SFSWAP: variants seen among roughly 807,000 people sequenced by gnomAD.
The protein encoded by SFSWAP is splicing factor SWAP.
Under a neutral mutation model 100.7 loss-of-function variants are expected in SFSWAP, and 17 were observed. That is an observed-to-expected ratio of 0.17 (90% confidence interval 0.12 to 0.25). The LOEUF (loss-of-function observed/expected upper bound fraction) is 0.25, where lower values mean the gene tolerates loss of function less well. Ranked by LOEUF, SFSWAP falls within the 10% of genes least tolerant of loss-of-function variation. SFSWAP has a pLI of 1.00. For synonymous variants in SFSWAP, 504 were observed against 510.1 expected (o/e 0.99, Z 0.16); for missense variants, 1,005 against 1,262.6 (o/e 0.80, Z 3.09).
intron 13 of SFSWAP, among the ~76,000 whole-genome samples, chr12:131,772,006 C>T (rs1883652922): frequency 6.6e-6 from 1 of 152,152 alleles, no homozygotes; most frequent in East Asian, 1.9e-4. Flanking sequence ...TTTGAACTGG[C>T]TTTCCCTTAG....
intron 4 of SFSWAP, among the ~76,000 whole-genome samples, chr12:131,724,401 T>G (rs941691966): frequency 6.6e-6 from 1 of 152,264 alleles, no homozygotes; most frequent in Non-Finnish European, 1.5e-5. Flanking sequence ...ACATGGAATT[T>G]AAATTATTTG....
chr12:131,714,460 G>T lies in SFSWAP; in HGVS notation c.388+220G>T. 2.0e-6 allele frequency: 1 copy of T among 502,742 alleles called. No individual in the cohort carries two copies. 31.1% of individuals were successfully genotyped at this position (502,742 alleles called of 1,614,324 possible). On this transcript the variant is annotated intron_variant, in intron 2 of 17. Transcript: ENST00000261674. The surrounding 1 kb of genome is among the most constrained non-coding windows in gnomAD (Gnocchi z 6.0). ...TTTCCCAGCTTTTGAGGGCAGACTGGGATTTGAAAAAAACAAAAACCAAAC... is the reference window on the plus strand; with the variant it reads ...TTTCCCAGCTTTTGAGGGCAGACTGTGATTTGAAAAAAACAAAAACCAAAC...
chr12:131,775,586 C>G (rs1467185767), intron 13 of SFSWAP, among the ~76,000 whole-genome samples: 5 of 152,140 alleles, frequency 3.3e-5, no homozygotes, highest in Non-Finnish European at 7.3e-5. Flanking sequence ...GAAGCCCTCT[C>G]CCTTTCGGTG....
At chr12:131,792,082 TA>T (rs1486348688) in intron 15 of SFSWAP, among the ~76,000 whole-genome samples, 1 of 151,784 alleles carries the variant, frequency 6.6e-6, no homozygotes, top group East Asian at 1.9e-4. Flanking sequence ...CACGGATCAT[TA>T]CTGTGTGTGC....
chr12:131,785,078 C>CA, intron 14 of SFSWAP: 1 of 1,534,516 alleles, frequency 6.5e-7, no homozygotes, highest in South Asian at 1.2e-5. Flanking sequence ...CACAGAGTCA[C>CA]AGCCTCCCCA....
intron 14 of SFSWAP, among the ~76,000 whole-genome samples, chr12:131,781,358 C>T (rs1448582336): frequency 6.6e-6 from 1 of 151,472 alleles, no homozygotes; most frequent in Admixed American, 6.6e-5. Context: ...CTGTCTCAGC[C>T]TCCCGAGTAG....
chr12:131,714,847 A>C lies in SFSWAP; in HGVS notation c.414A>C (p.Glu138Asp). The change falls in exon 3 of 18, where the codon GAA (glutamate) becomes GAC (aspartate). Residue 138 changes from glutamate to aspartate, a missense_variant. By Grantham distance (45) the Glu-to-Asp change is conservative. Coordinates refer to ENST00000261674, the MANE Select transcript of SFSWAP (RefSeq NM_004592.4). This position sits in a 1 kb window ranked among gnomAD's most constrained non-coding sequence, Gnocchi z 6.0. ...AGGAAGAATACAAGCGATTGAGTGA[A>C]GCACTAGCAGAGGATGGGAGCTACA... The part of the protein sequence containing the change: ...RQEEEYKRLS[E>D]ALAEDGSYNA... 1 of 1,614,116 alleles carries C rather than the reference A, an allele frequency of 6.2e-7. No homozygotes were observed. The highest frequency in any genetic ancestry group is 1.1e-5 in the South Asian group (1 of 91,080).
At chr12:131,761,689 G>A (rs541825690) in intron 11 of SFSWAP, among the ~76,000 whole-genome samples, 20 of 152,322 alleles carry the variant, frequency 1.3e-4, no homozygotes, top group African/African-American at 4.3e-4. Flanking sequence ...GTGCTGTGAC[G>A]TGATCTGCAA....
At chr12:131,775,951 AATT>A (rs1883986547) in intron 13 of SFSWAP, among the ~76,000 whole-genome samples, 1 of 151,896 alleles carries the variant, frequency 6.6e-6, no homozygotes, top group Non-Finnish European at 1.5e-5. Flanking sequence ...AAAAAAAAAA[AATT>A]AGCTGAGCAT....
intron 10 of SFSWAP, among the ~76,000 whole-genome samples, 153 bp from the exon 11 acceptor site, chr12:131,756,320 C>T (rs568440259): frequency 6.6e-6 from 1 of 152,330 alleles, no homozygotes; most frequent in South Asian, 2.1e-4. Flanking sequence ...GAAAAAACAG[C>T]AGATCTGGAT....
chr12:131,759,600 C>G (rs1475910196), intron 11 of SFSWAP, among the ~76,000 whole-genome samples: 1 of 151,828 alleles, frequency 6.6e-6, no homozygotes, highest in Non-Finnish European at 1.5e-5. Context: ...GAGATCGAGA[C>G]CATCCTGGCT....
chr12:131,785,398 G>A (rs1197328000), intron 14 of SFSWAP: 7 of 531,452 alleles, frequency 1.3e-5, no homozygotes, highest in African/African-American at 7.7e-5. Context: ...TGGCATTTGC[G>A]GTTTATTGTC....
At position 131,725,296 on chromosome 12, in the gene SFSWAP, C is replaced by A; in HGVS notation, c.607-109C>A. Reference sequence around the variant, plus strand: ...GCTCTTCCAGCTTAAAGTCTCGTATCTCTTAAAATTGACAGTAAAACCAGA... The same window carrying A: ...GCTCTTCCAGCTTAAAGTCTCGTATATCTTAAAATTGACAGTAAAACCAGA... On this transcript the variant is annotated intron_variant, in intron 4 of 17. Coordinates refer to ENST00000261674, the MANE Select transcript of SFSWAP (RefSeq NM_004592.4). The surrounding 1 kb of genome is among the most constrained non-coding windows in gnomAD (Gnocchi z 4.3). 1.1e-6 allele frequency: 1 copy of A among 902,046 alleles called. No individual in the cohort carries two copies. 55.9% of individuals were successfully genotyped at this position (902,046 alleles called of 1,614,324 possible). A position where few individuals can be genotyped will look rare whatever the true frequency, so the allele number is the denominator to read the frequency against.
intron 15 of SFSWAP, among the ~76,000 whole-genome samples, chr12:131,792,084 C>T (rs1388570504): frequency 6.7e-6 from 1 of 150,374 alleles, no homozygotes; most frequent in Non-Finnish European, 1.5e-5. Flanking sequence ...CGGATCATTA[C>T]TGTGTGTGCG....
chr12:131,740,148 G>A (rs547244062), intron 7 of SFSWAP, among the ~76,000 whole-genome samples: 3 of 152,154 alleles, frequency 2.0e-5, no homozygotes, highest in Admixed American at 6.5e-5. Flanking sequence ...GTAGCTGGAT[G>A]GGTCATGACT....
intron 13 of SFSWAP, among the ~76,000 whole-genome samples, chr12:131,773,590 C>T (rs940569486): frequency 3.3e-5 from 5 of 152,168 alleles, no homozygotes; most frequent in Non-Finnish European, 7.3e-5. Flanking sequence ...GCAGTTCTCC[C>T]GCCTTGGCCT....
intron 13 of SFSWAP, among the ~76,000 whole-genome samples, chr12:131,772,543 G>A (rs1057349549): frequency 2.6e-5 from 4 of 152,190 alleles, no homozygotes; most frequent in African/African-American, 4.8e-5. Context: ...AATCCCTTAC[G>A]GGAGGGACCA....
chr12:131,724,984 TAAG>T (rs879925016), intron 4 of SFSWAP, among the ~76,000 whole-genome samples: 3 of 152,200 alleles, frequency 2.0e-5, no homozygotes, highest in Non-Finnish European at 2.9e-5. Flanking sequence ...TAGTCCCCGC[TAAG>T]AAGAAGGAAA....
chr12:131,785,260 T>A, intron 14 of SFSWAP: 1 of 1,510,610 alleles, frequency 6.6e-7, no homozygotes, highest in Non-Finnish European at 8.8e-7. Flanking sequence ...TATCATCTGT[T>A]CTGTAAATCT....
Sources: gnomAD v4.1 joint callset for allele counts (sites outside exome capture counted in the v4.1 genomes callset) on GRCh38, gnomAD v4.1.1 for gene constraint, Gnocchi (gnomAD v3.1) non-coding constraint, MANE v1.5 for transcripts, NCBI Gene and HGNC (gene_info 2026-07-23, HGNC 2026-07-21) for gene names.